Variants in DMD observed in about 807,000 individuals in gnomAD.
The protein encoded by DMD is dystrophin.
In DMD, 63 loss-of-function variants were observed where a neutral mutation model predicts 330.1. The ratio of observed to expected loss-of-function variants is 0.19; its 90% CI spans 0.16 to 0.24. The LOEUF is 0.24. DMD is among the 10% of genes least tolerant of loss of function. DMD has a pLI of 1.00. For missense variants in DMD, 3,344 were observed against 2,684.1 expected (o/e 1.25, Z -5.43); for synonymous variants, 1,223 against 959.8 (o/e 1.27, Z -5.07).
chrX:31,211,081 C>T (rs762254918), intron 64 of DMD, among the ~76,000 whole-genome samples: 2 of 111,831 alleles, frequency 1.8e-5, no homozygotes, highest in South Asian at 7.6e-4. Flanking sequence ...GAAGCTGAGA[C>T]TTTCTTTAAA....
chrX:31,277,719 G>A (rs1291721652), intron 62 of DMD, among the ~76,000 whole-genome samples: 1 of 111,749 alleles, frequency 8.9e-6, no homozygotes, highest in Non-Finnish European at 1.9e-5. Flanking sequence ...GACCTGGCCT[G>A]AGGTGGAGAT....
At chrX:33,322,343 T>C (rs1336849718) in intron 1 of DMD, among the ~76,000 whole-genome samples, 1 of 108,647 alleles carries the variant, frequency 9.2e-6, no homozygotes, top group Non-Finnish European at 1.9e-5. Context: ...TCAATATTGG[T>C]TTGTCTCAGA....
Position 32,590,399 on chromosome X carries a change from A to G in DMD, c.1602+5358T>C, listed in dbSNP as rs770593520. On this transcript the variant is annotated intron_variant, in intron 13 of 78. Coordinates refer to ENST00000357033, the MANE Select transcript of DMD (RefSeq NM_004006.3). ...TGTGTCAACTTCATGGAATTGAGGG[A>G]TGCCTAGATCACTGATGAAGTATTG... is the stretch of plus-strand genomic sequence containing the variant. 1.0e-3 allele frequency among the ~76,000 whole-genome samples: 111 copies of G among 111,228 alleles called. 2 individuals are homozygous for G. Among genetic ancestry groups the G allele is most frequent in the Non-Finnish European group, 3.8e-4 (20 of 53,080 alleles).
intron 9 of DMD, among the ~76,000 whole-genome samples, chrX:32,649,559 TAAAAAAA>T (rs1161462889): frequency 5.5e-5 from 3 of 54,280 alleles, no homozygotes; most frequent in African/African-American, 1.2e-4. Flanking sequence ...CCGTCTCTTT[TAAAAAAA>T]AAAAAAAAAA....
At chrX:31,888,183 TGTTA>T (rs1031298425) in intron 47 of DMD, among the ~76,000 whole-genome samples, 8 of 111,669 alleles carry the variant, frequency 7.2e-5, no homozygotes, top group Non-Finnish European at 1.3e-4. Flanking sequence ...ATATGTTTTC[TGTTA>T]GTTAGCTTGA....
chrX:31,170,613 C>G (rs932336168), intron 73 of DMD, among the ~76,000 whole-genome samples: 1 of 111,639 alleles, frequency 9.0e-6, no homozygotes, highest in African/African-American at 3.3e-5. Flanking sequence ...AAAAGTCCTT[C>G]TCATTTGAAT....
At chrX:33,335,093 TC>T (rs904444782) in intron 1 of DMD, among the ~76,000 whole-genome samples, 5 of 111,134 alleles carry the variant, frequency 4.5e-5, no homozygotes, top group Non-Finnish European at 9.5e-5. Context: ...CTTCAACTTT[TC>T]ACTTTTCTAG....
intron 2 of DMD, among the ~76,000 whole-genome samples, chrX:32,948,416 T>C (rs758618459): frequency 2.7e-5 from 3 of 111,899 alleles, no homozygotes; most frequent in African/African-American, 9.7e-5. Flanking sequence ...CTCTGGTAAG[T>C]GGAGCTTTAG....
At chrX:31,739,048 G>C (rs771262021) in intron 51 of DMD, among the ~76,000 whole-genome samples, 21 of 111,326 alleles carry the variant, frequency 1.9e-4, no homozygotes, top group Non-Finnish European at 3.8e-4. Context: ...AACCAATAAT[G>C]ATTTAATTGT....
chrX:33,075,675 C>T (rs752197930), intron 1 of DMD, among the ~76,000 whole-genome samples: 27 of 111,994 alleles, frequency 2.4e-4, no homozygotes, highest in Non-Finnish European at 4.7e-4. Context: ...CTTTGTCTTA[C>T]GAAAATGCAT....
intron 1 of DMD, among the ~76,000 whole-genome samples, chrX:33,285,649 T>C (rs1365563781): frequency 8.9e-6 from 1 of 111,998 alleles, no homozygotes; most frequent in African/African-American, 3.2e-5. Context: ...GATATCATGT[T>C]TGTATTGTGT....
intron 55 of DMD, among the ~76,000 whole-genome samples, chrX:31,627,030 T>A (rs1423886497): frequency 3.6e-5 from 4 of 112,058 alleles, no homozygotes; most frequent in Non-Finnish European, 7.5e-5. Flanking sequence ...CAGAATATGA[T>A]TCTCACCAAG....
At chrX:32,296,157 C>T (rs747847929) in intron 42 of DMD, among the ~76,000 whole-genome samples, 65 of 111,350 alleles carry the variant, frequency 5.8e-4, no homozygotes, top group Non-Finnish European at 1.1e-3. Context: ...TTTGGGAGGC[C>T]GAGGTAGGTG....
At chrX:32,467,723 T>C (rs145519984) in intron 23 of DMD, among the ~76,000 whole-genome samples, 56 of 107,952 alleles carry the variant, frequency 5.2e-4, no homozygotes, top group African/African-American at 1.7e-3. Flanking sequence ...AAAATGCCAA[T>C]AACACACATT....
intron 46 of DMD, among the ~76,000 whole-genome samples, chrX:31,930,268 T>C (rs2094837069): frequency 9.0e-6 from 1 of 111,024 alleles, no homozygotes; most frequent in South Asian, 3.8e-4. Context: ...TTATATCAGG[T>C]AGATCCAATT....
At chrX:32,120,172 A>G (rs757995974) in intron 44 of DMD, among the ~76,000 whole-genome samples, 13 of 112,303 alleles carry the variant, frequency 1.2e-4, no homozygotes, top group African/African-American at 3.5e-4. Context: ...ATGCTCACAA[A>G]TGTGTTGGGA....
chrX:32,688,651 T>A lies in DMD; in HGVS notation c.960+9219A>T, dbSNP rs768302290. Among the ~76,000 whole-genome samples the A allele has an allele frequency of 3.6e-5, 4 of 111,643 alleles. No individual in the cohort carries two copies. The East Asian group carries it at 8.5e-4, about 24-fold the overall frequency. On this transcript the variant is annotated intron_variant, in intron 9 of 78. Coordinates refer to ENST00000357033, the MANE Select transcript of DMD (RefSeq NM_004006.3). ...CATGGAAAGTTGAAAGTATCTTTAT[T>A]TTAGAGATGAGAAAACTGAGTAATA...
At chrX:31,975,471 C>T (rs1319448125) in intron 44 of DMD, among the ~76,000 whole-genome samples, 1 of 111,520 alleles carries the variant, frequency 9.0e-6, no homozygotes, top group Non-Finnish European at 1.9e-5. Flanking sequence ...TTTTTCTCTC[C>T]ATTTACTTAG....
chrX:31,557,696 T>C (rs1299720591), intron 55 of DMD, among the ~76,000 whole-genome samples: 1 of 112,186 alleles, frequency 8.9e-6, no homozygotes, highest in Non-Finnish European at 1.9e-5. Flanking sequence ...AATCTGCTTA[T>C]TAATAACTCA....
Sources: allele counts gnomAD v4.1 joint callset (sites outside exome capture counted in the v4.1 genomes callset), GRCh38; gene constraint gnomAD v4.1.1; transcripts MANE v1.5; gene names NCBI Gene and HGNC (gene_info 2026-07-23, HGNC 2026-07-21).